TMEM135: variants seen among roughly 807,000 people sequenced by gnomAD.
The protein encoded by TMEM135 is peroxisomal membrane protein 52.
A neutral mutation model predicts 60.3 loss-of-function variants in TMEM135; 30 were observed. That is an observed-to-expected ratio of 0.50 (90% CI 0.37 to 0.68). The LOEUF is 0.68. TMEM135 is among the 30% of genes least tolerant of loss of function. The pLI is 0.00. For missense variants in TMEM135, 468 were observed against 548.8 expected, an observed-to-expected ratio of 0.85 and a Z score of 1.47; for synonymous variants, 190 against 186.7, an observed-to-expected ratio of 1.02 and a Z score of -0.14.
intron 5 of TMEM135, among the ~76,000 whole-genome samples, chr11:87,176,844 GT>G (rs910277721): frequency 9.9e-5 from 15 of 151,988 alleles, no homozygotes; most frequent in African/African-American, 3.6e-4. Flanking sequence ...CAGGAAGGTG[GT>G]TTCAAGAAGA....
At chr11:87,157,246 G>A (rs1938725319) in intron 4 of TMEM135, 95 bp from the exon 5 acceptor site, 8 of 1,119,944 alleles carry the variant, frequency 7.1e-6, no homozygotes, top group Non-Finnish European at 1.1e-5. Context: ...ATATATAATA[G>A]TATTGAATGT....
At chr11:87,296,592 G>A (rs1279571781) in intron 7 of TMEM135, among the ~76,000 whole-genome samples, 1 of 152,154 alleles carries the variant, frequency 6.6e-6, no homozygotes, top group African/African-American at 2.4e-5. Flanking sequence ...AAAAATTAGG[G>A]AAAGCTTCAG....
intron 6 of TMEM135, among the ~76,000 whole-genome samples, chr11:87,245,197 T>A (rs1327202825): frequency 6.6e-6 from 1 of 151,628 alleles, no homozygotes; most frequent in Non-Finnish European, 1.5e-5. Flanking sequence ...CTAATTTGAT[T>A]GCACTGTGGT....
intron 2 of TMEM135, among the ~76,000 whole-genome samples, chr11:87,070,344 A>G (rs926230275): frequency 1.3e-5 from 2 of 152,046 alleles, no homozygotes; most frequent in East Asian, 1.9e-4. Flanking sequence ...CATGTCTCCA[A>G]ATATTTTTTT....
intron 6 of TMEM135, among the ~76,000 whole-genome samples, chr11:87,283,852 C>G (rs998455906): frequency 5.6e-4 from 85 of 152,122 alleles, no homozygotes; most frequent in African/African-American, 1.9e-3. Context: ...AGCGAGACTC[C>G]ATCTCAAAAA....
At chr11:87,259,583 G>T (rs1941602890) in intron 6 of TMEM135, among the ~76,000 whole-genome samples, 1 of 152,132 alleles carries the variant, frequency 6.6e-6, no homozygotes, top group South Asian at 2.1e-4. Context: ...TCCATATTTG[G>T]AGGCTTATTT....
chr11:87,115,202 C>G (rs1458157247), intron 4 of TMEM135, among the ~76,000 whole-genome samples: 1 of 152,052 alleles, frequency 6.6e-6, no homozygotes, highest in East Asian at 1.9e-4. Context: ...AGAAACATCT[C>G]TCTGCTATCC....
In TMEM135 at chr11:87,247,582, G is replaced by A. The variant is rs182921525; in HGVS notation, c.509+10898G>A. Among the ~76,000 whole-genome samples the A allele has an allele frequency of 3.9e-3, 601 of 152,226 alleles. 14 individuals are homozygous for A. In the East Asian group the frequency reaches 0.087, roughly 22 times the overall value. On this transcript the variant is annotated intron_variant, in intron 6 of 14. Transcript: ENST00000305494. The stretch of plus-strand genomic sequence containing the variant: ...TGGCAGGCACCCCTCCCCCAGCCTC[G>A]CTGCCACCTTGCAGTTTGATCACAG...
chr11:87,181,485 A>G (rs1939514056), intron 5 of TMEM135, among the ~76,000 whole-genome samples: 1 of 152,178 alleles, frequency 6.6e-6, no homozygotes, highest in Non-Finnish European at 1.5e-5. Flanking sequence ...GTAAATTCCA[A>G]AAATGCCAAA....
chr11:87,306,842 C>T (rs1942553229), intron 9 of TMEM135, among the ~76,000 whole-genome samples: 1 of 152,082 alleles, frequency 6.6e-6, no homozygotes, highest in South Asian at 2.1e-4. Context: ...TCTCATCCTC[C>T]TGAGTAGCTG....
chr11:87,303,934 G>A (rs1416631206), intron 8 of TMEM135, among the ~76,000 whole-genome samples: 3 of 152,144 alleles, frequency 2.0e-5, no homozygotes, highest in Non-Finnish European at 2.9e-5. Context: ...TGGATCTTCT[G>A]GTATGAAAGT....
chr11:87,235,428 A>G (rs482288), intron 5 of TMEM135, among the ~76,000 whole-genome samples: 72,627 of 151,714 alleles, frequency 0.48, 18,614 homozygotes, highest in Non-Finnish European at 0.59. Context: ...ATATTTATAT[A>G]TTTCTAAGTC....
intron 4 of TMEM135, among the ~76,000 whole-genome samples, chr11:87,144,890 A>G (rs1001260801): frequency 1.2e-4 from 18 of 152,278 alleles, no homozygotes; most frequent in South Asian, 6.2e-4. Flanking sequence ...CTATGAATAC[A>G]ATGTGGAATA....
chr11:87,129,374 C>G (rs1374184290), intron 4 of TMEM135, among the ~76,000 whole-genome samples: 1 of 151,324 alleles, frequency 6.6e-6, no homozygotes, highest in Non-Finnish European at 1.5e-5. Flanking sequence ...TCCCTAATAG[C>G]TGGGACTACA....
chr11:87,041,355 A>C (rs1949748788), intron 1 of TMEM135, among the ~76,000 whole-genome samples: 1 of 151,446 alleles, frequency 6.6e-6, no homozygotes, highest in Admixed American at 6.6e-5. Context: ...CATGCTATTG[A>C]GGTTTCTTTT....
intron 1 of TMEM135, among the ~76,000 whole-genome samples, chr11:87,057,220 T>C (rs563735789): frequency 1.3e-5 from 2 of 152,334 alleles, no homozygotes; most frequent in Non-Finnish European, 2.9e-5. Flanking sequence ...TCTCAACTTT[T>C]ATATAAAAAT....
chr11:87,313,277 C>T, intron 10 of TMEM135, 148 bp from the exon 11 acceptor site: 1 of 596,306 alleles, frequency 1.7e-6, no homozygotes, highest in South Asian at 2.2e-5. Flanking sequence ...CATAATTTTT[C>T]CAATCATGTA....
At chr11:87,102,813 T>C (rs1857494456) in intron 4 of TMEM135, among the ~76,000 whole-genome samples, 1 of 151,142 alleles carries the variant, frequency 6.6e-6, no homozygotes, top group South Asian at 2.1e-4. Context: ...CATTTGAAAT[T>C]TACTCTTAGC....
intron 3 of TMEM135, among the ~76,000 whole-genome samples, chr11:87,077,822 C>T (rs1375068553): frequency 6.6e-6 from 1 of 152,164 alleles, no homozygotes; most frequent in East Asian, 1.9e-4. Flanking sequence ...TTCTTCTGGA[C>T]ATTTTATATA....
Sources: allele counts gnomAD v4.1 joint callset (sites outside exome capture counted in the v4.1 genomes callset), GRCh38; gene constraint gnomAD v4.1.1; transcripts MANE v1.5; gene names NCBI Gene and HGNC (gene_info 2026-07-23, HGNC 2026-07-21).